The following XRN1 variants were observed in gnomAD, a reference collection of about 807,000 sequenced individuals.
XRN1 encodes strand-exchange protein 1 homolog.
A neutral mutation model predicts 222.3 loss-of-function variants in XRN1; 67 were observed. The ratio of observed to expected loss-of-function variants is 0.30; its 90% CI spans 0.25 to 0.37. The LOEUF is 0.37. Among genes scored for constraint, XRN1 ranks in the 10% least tolerant of loss-of-function variants. The pLI is 1.00. For synonymous variants in XRN1, 643 were observed against 652.4 expected (o/e 0.99, Z 0.22); for missense variants, 1,707 against 2,000.2 (o/e 0.85, Z 2.80).
At chr3:142,368,750 C>A (rs1318283032) in intron 27 of XRN1, among the ~76,000 whole-genome samples, 1 of 152,078 alleles carries the variant, frequency 6.6e-6, no homozygotes, top group African/African-American at 2.4e-5. Flanking sequence ...TGGCTCTGAG[C>A]CTTATATTTT....
chr3:142,446,650 G>A (rs1364248741), intron 1 of XRN1, among the ~76,000 whole-genome samples: 1 of 152,178 alleles, frequency 6.6e-6, no homozygotes. Context: ...ATATATAGCA[G>A]GTACTGACTG....
rs1167571243 is a variant in XRN1 at position 142,306,908 on chromosome 3, G to A, written c.*4603C>T. On this transcript the variant is annotated 3_prime_UTR_variant, in exon 41 of 41. Transcript: ENST00000392981. ...TTTAATAAAATACTTCTCTGTATAA[G>A]ATCTAATGAAAAATTCCAGTTACTT... 6.6e-6 allele frequency: 1 copy of A among 152,560 alleles called. No homozygotes were observed. Among genetic ancestry groups the A allele is most frequent in the Admixed American group, 6.5e-5 (1 of 15,280 alleles). 9.5% of individuals were successfully genotyped at this position (152,560 alleles called of 1,614,324 possible). A position where few individuals can be genotyped will look rare whatever the true frequency, so the allele number is the denominator to read the frequency against.
In XRN1 at chr3:142,307,695, T is replaced by C. The variant is rs1053614645; in HGVS notation, c.*3816A>G. On this transcript the variant is annotated 3_prime_UTR_variant, in exon 41 of 41. Transcript: ENST00000392981. ...CTGTATTGGAGAAGTTTGATGGAAA[T>C]ATGAATAAAGTCAGTCCGAACGACA... 2.6e-5 allele frequency: 4 copies of C among 152,166 alleles called. No individual in the cohort carries two copies. The highest frequency in any genetic ancestry group is 9.6e-5 in the African/African-American group (4 of 41,458). The allele number at this position is 152,166 out of a possible 1,614,324, so 9.4% of individuals were successfully genotyped here.
Position 142,356,923 on chromosome 3 carries a change from C to G in XRN1, c.3661G>C (p.Val1221Leu). 2 of 1,613,908 alleles carry G rather than the reference C, an allele frequency of 1.2e-6. No individual in the cohort carries two copies. Among genetic ancestry groups the G allele is most frequent in the Non-Finnish European group, 1.7e-6 (2 of 1,179,928 alleles). The stretch of plus-strand genomic sequence containing the variant: ...ACTGAGAGTCTTACTTGAGTAGGAA[C>G]AAAAAGTGATTGAGGGGAATGGTTG... ...ALNHSPQSLF[V>L]PTQVPTKDDD... is the part of the protein sequence containing the mutation. The change falls in exon 31 of 41, where the codon GTT becomes CTT. Residue 1221 changes from valine to leucine, a missense_variant. This residue lies in a region of XRN1 where 1,234 missense variants were observed against 1,518.2 expected (regional missense o/e 0.81). Transcript: ENST00000392981.
At chr3:142,408,372 T>C (rs1387853433) in intron 15 of XRN1, among the ~76,000 whole-genome samples, 2 of 152,158 alleles carry the variant, frequency 1.3e-5, no homozygotes, top group Non-Finnish European at 2.9e-5. Flanking sequence ...AATCTGGGTG[T>C]GTGCAGAAAA....
At chr3:142,358,940 C>CA (rs1356676379) in intron 30 of XRN1, among the ~76,000 whole-genome samples, 1 of 151,894 alleles carries the variant, frequency 6.6e-6, no homozygotes, top group Non-Finnish European at 1.5e-5. Flanking sequence ...TTCAGTTTTC[C>CA]AGCTGATTTT....
chr3:142,407,517 C>G (rs2068389070), intron 15 of XRN1: 1 of 152,118 alleles, frequency 6.6e-6, no homozygotes, highest in African/African-American at 2.4e-5. Flanking sequence ...TTAGTAGGGT[C>G]AGGGTTTCAC....
At chr3:142,339,144 G>A (rs570806081) in intron 33 of XRN1, among the ~76,000 whole-genome samples, 2 of 152,268 alleles carry the variant, frequency 1.3e-5, no homozygotes, top group African/African-American at 4.8e-5. Flanking sequence ...CAGTACTGTG[G>A]TGGCTTCAGG....
At chr3:142,430,187 G>T (rs1170694861) in intron 2 of XRN1, among the ~76,000 whole-genome samples, 1 of 152,154 alleles carries the variant, frequency 6.6e-6, no homozygotes, top group Non-Finnish European at 1.5e-5. Context: ...AGTGCTGTTT[G>T]GGAAGTTATC....
At chr3:142,445,414 G>T (rs536717257) in intron 1 of XRN1, among the ~76,000 whole-genome samples, 39 of 151,812 alleles carry the variant, frequency 2.6e-4, no homozygotes, top group Non-Finnish European at 2.9e-5. Flanking sequence ...CCTTTTTCTC[G>T]TATAATAACT....
chr3:142,345,714 A>T (rs372490756), intron 33 of XRN1, among the ~76,000 whole-genome samples: 15 of 152,324 alleles, frequency 9.8e-5, no homozygotes, highest in African/African-American at 3.1e-4. Context: ...AAAAAAGATT[A>T]AAAAATCCAA....
chr3:142,376,828 A>AG (rs1230120221), intron 23 of XRN1, among the ~76,000 whole-genome samples: 3 of 152,104 alleles, frequency 2.0e-5, no homozygotes, highest in Non-Finnish European at 2.9e-5. Context: ...GATGGATAAA[A>AG]GGGGGGAGGA....
intron 37 of XRN1, among the ~76,000 whole-genome samples, chr3:142,326,156 AT>A (rs746915146): frequency 3.9e-3 from 538 of 139,626 alleles, no homozygotes; most frequent in Middle Eastern, 0.019. Flanking sequence ...AAATTTTAGG[AT>A]TTTTTTTTTT....
chr3:142,385,029 G>A (rs1017776509), intron 20 of XRN1, among the ~76,000 whole-genome samples: 1 of 152,192 alleles, frequency 6.6e-6, no homozygotes, highest in African/African-American at 2.4e-5. Flanking sequence ...TTACTGGTGG[G>A]ACTGTAAAAT....
At chr3:142,339,655 T>C (rs1360314511) in intron 33 of XRN1, among the ~76,000 whole-genome samples, 2 of 152,182 alleles carry the variant, frequency 1.3e-5, no homozygotes, top group East Asian at 1.9e-4. Flanking sequence ...ATAACTGTTT[T>C]GGTCAGGTGC....
At chr3:142,376,150 A>T in intron 24 of XRN1, 1 of 870,106 alleles carries the variant, frequency 1.1e-6, no homozygotes, top group Non-Finnish European at 1.6e-6. Context: ...TCAAAACCCA[A>T]GTTAACAAAG....
Position 142,425,492 on chromosome 3 carries a change from T to C in XRN1, c.453A>G (p.Val151=), listed in dbSNP as rs2069208497. 1 of 1,613,422 alleles carries C rather than the reference T, an allele frequency of 6.2e-7. No homozygotes were observed. The highest frequency in any genetic ancestry group is 1.3e-5 in the African/African-American group (1 of 74,912). The part of the protein sequence containing the change: ...ARLHEHLKYF[V]NMKISTDKSW... ...ACTTGTCTGTGGAAATTTTCATATT[T>C]ACAAAATACTTCAGATGTTCATGTA... Residue 151 remains valine, a synonymous_variant, in exon 4 of 41, where the codon GTA becomes GTG. Transcript: ENST00000392981.
intron 2 of XRN1, among the ~76,000 whole-genome samples, chr3:142,432,062 T>C (rs1237903469): frequency 8.8e-6 from 1 of 113,004 alleles, no homozygotes; most frequent in Non-Finnish European, 1.7e-5. Context: ...TGCATATATA[T>C]ATGCAAAAAT....
chr3:142,425,293 TG>T lies in XRN1; in HGVS notation c.555del (p.Arg186AspfsTer20). On this transcript the variant is annotated frameshift_variant, in exon 5 of 41. Transcript: ENST00000392981. LOFTEE classifies it high-confidence loss of function. ...TGATCTGGCTTTGCTTTCTCGGATCTGATAAATTCCATGATTTTATGCTCTC... is the reference window on the plus strand; with the variant it reads ...TGATCTGGCTTTGCTTTCTCGGATCTATAAATTCCATGATTTTATGCTCTC... ...GEGEHKIMEF[I>X]RSEKAKPDHD... is the part of the protein sequence containing the mutation. 1 of 1,608,088 alleles carries T rather than the reference TG, an allele frequency of 6.2e-7. No individual in the cohort carries two copies. Among genetic ancestry groups the T allele is most frequent in the South Asian group, 1.1e-5 (1 of 89,474 alleles).
Sources: allele counts gnomAD v4.1 joint callset (sites outside exome capture counted in the v4.1 genomes callset), GRCh38; gene constraint gnomAD v4.1.1; regional missense constraint gnomAD v4.1.1; transcripts MANE v1.5; gene names NCBI Gene and HGNC (gene_info 2026-07-23, HGNC 2026-07-21).